CARMIL1: variants seen among roughly 807,000 people sequenced by gnomAD.
CARMIL1 encodes capping protein regulator and myosin 1 linker 1.
A neutral mutation model predicts 177.1 loss-of-function variants in CARMIL1; 90 were observed. The observed-to-expected ratio is 0.51, with a 90% confidence interval of 0.43 to 0.61. CARMIL1 has a LOEUF of 0.61. Among genes scored for constraint, CARMIL1 ranks in the 20% least tolerant of loss-of-function variants. The probability of loss-of-function intolerance (pLI) is 0.00; values close to 1 mark genes in which losing one functional copy is unlikely to be tolerated. For missense variants in CARMIL1, 1,380 were observed against 1,667.0 expected (o/e 0.83, Z 3.00); for synonymous variants, 577 against 606.2 (o/e 0.95, Z 0.71).
At chr6:25,491,653 C>T (rs1803246976) in intron 13 of CARMIL1, 79 bp from the exon 14 acceptor site, 4 of 905,386 alleles carry the variant, frequency 4.4e-6, no homozygotes, top group Non-Finnish European at 5.0e-6. Context: ...CTGGCAACTT[C>T]CTTTTAAAAC....
intron 33 of CARMIL1, among the ~76,000 whole-genome samples, chr6:25,601,807 T>C (rs1815431798): frequency 6.6e-6 from 1 of 152,230 alleles, no homozygotes; most frequent in African/African-American, 2.4e-5. Flanking sequence ...CTTTTCTTTT[T>C]ACCCCTGTTT....
chr6:25,563,595 A>G, intron 29 of CARMIL1: 1 of 985,450 alleles, frequency 1.0e-6, no homozygotes, highest in Non-Finnish European at 1.2e-6. Flanking sequence ...GCGATGAGCT[A>G]TCAGAAGATC....
At chr6:25,365,073 T>G (rs1789635029) in intron 2 of CARMIL1, among the ~76,000 whole-genome samples, 1 of 152,222 alleles carries the variant, frequency 6.6e-6, no homozygotes, top group African/African-American at 2.4e-5. Context: ...AAGTCTCTCT[T>G]GTTTTTTATA....
At chr6:25,351,615 C>T (rs1788106482) in intron 2 of CARMIL1, among the ~76,000 whole-genome samples, 1 of 152,200 alleles carries the variant, frequency 6.6e-6, no homozygotes, top group South Asian at 2.1e-4. Flanking sequence ...TTTTCACTTC[C>T]TTCATTGTAT....
chr6:25,607,355 A>G (rs1816075657), intron 35 of CARMIL1, among the ~76,000 whole-genome samples: 1 of 152,144 alleles, frequency 6.6e-6, no homozygotes, highest in African/African-American at 2.4e-5. Context: ...AGGGATAAAA[A>G]TAGATAGTCA....
At chr6:25,317,874 C>G (rs1174314913) in intron 2 of CARMIL1, among the ~76,000 whole-genome samples, 1 of 152,116 alleles carries the variant, frequency 6.6e-6, no homozygotes, top group African/African-American at 2.4e-5. Flanking sequence ...CTATTTAGGG[C>G]TTCTAATTCA....
At chr6:25,357,461 G>C (rs746018698) in intron 2 of CARMIL1, among the ~76,000 whole-genome samples, 2 of 152,014 alleles carry the variant, frequency 1.3e-5, no homozygotes, top group Non-Finnish European at 2.9e-5. Context: ...GTACATGCTT[G>C]TAATCTCAGC....
At chr6:25,459,622 G>A (rs1799964601) in intron 8 of CARMIL1, among the ~76,000 whole-genome samples, 1 of 151,982 alleles carries the variant, frequency 6.6e-6, no homozygotes, top group Non-Finnish European at 1.5e-5. Context: ...AACTCTATGT[G>A]TAGTAAATTT....
chr6:25,390,288 AT>A (rs1792616494), intron 2 of CARMIL1, among the ~76,000 whole-genome samples: 1 of 95,164 alleles, frequency 1.1e-5, no homozygotes, highest in Non-Finnish European at 2.1e-5. Context: ...ACACATATAT[AT>A]TTACATATAT....
chr6:25,442,174 A>G (rs1031335161), intron 5 of CARMIL1, among the ~76,000 whole-genome samples: 1 of 151,632 alleles, frequency 6.6e-6, no homozygotes, highest in South Asian at 2.1e-4. Context: ...GTGTGAGTAC[A>G]TTAAAATAAT....
chr6:25,475,501 G>A lies in CARMIL1; in HGVS notation c.874+2980G>A, dbSNP rs1801480082. Among the ~76,000 whole-genome samples, 2 of 152,044 alleles carry A rather than the reference G, an allele frequency of 1.3e-5. 1 individual carries two copies. The highest frequency in any genetic ancestry group is 1.3e-4 in the Admixed American group (2 of 15,268). Reference sequence around the variant, plus strand: ...GAAAGGAGACTTAGGTCCACACAGAGACTTGTGAATGAATGTTTGTAGCAG... The same window carrying A: ...GAAAGGAGACTTAGGTCCACACAGAAACTTGTGAATGAATGTTTGTAGCAG... On this transcript the variant is annotated intron_variant, in intron 11 of 36. Coordinates refer to ENST00000329474, the MANE Select transcript of CARMIL1 (RefSeq NM_017640.6).
At chr6:25,489,304 T>C (rs1300740727) in intron 13 of CARMIL1, among the ~76,000 whole-genome samples, 1 of 152,138 alleles carries the variant, frequency 6.6e-6, no homozygotes, top group Non-Finnish European at 1.5e-5. Context: ...TAGGTTACAA[T>C]TGAAAGGGAG....
intron 29 of CARMIL1, among the ~76,000 whole-genome samples, chr6:25,569,954 C>A (rs1028351999): frequency 5.3e-5 from 8 of 152,100 alleles, no homozygotes; most frequent in Non-Finnish European, 1.0e-4. Flanking sequence ...TTGCTTACTA[C>A]TGCAATAAAG....
intron 2 of CARMIL1, among the ~76,000 whole-genome samples, chr6:25,382,139 C>T (rs563360893): frequency 6.6e-6 from 1 of 152,262 alleles, no homozygotes; most frequent in East Asian, 1.9e-4. Flanking sequence ...ACTCTGTCAC[C>T]CAGGCTGGAG....
At chr6:25,525,237 A>T (rs1334131886) in intron 23 of CARMIL1, among the ~76,000 whole-genome samples, 1 of 152,164 alleles carries the variant, frequency 6.6e-6, no homozygotes, top group African/African-American at 2.4e-5. Context: ...AACATAGACT[A>T]AAAAAACACC....
intron 29 of CARMIL1, among the ~76,000 whole-genome samples, chr6:25,580,491 G>A (rs781365531): frequency 6.6e-6 from 1 of 152,226 alleles, no homozygotes; most frequent in Non-Finnish European, 1.5e-5. Flanking sequence ...TGTGAAACGA[G>A]AGTGCAACTA....
At chr6:25,492,057 G>C in intron 15 of CARMIL1, 33 bp downstream of exon 15, 1 of 1,582,552 alleles carries the variant, frequency 6.3e-7, no homozygotes, top group Non-Finnish European at 8.7e-7. Context: ...ATTGTCATCT[G>C]GAAGTGTCTT....
At chr6:25,293,598 T>TA (rs1307468673) in intron 2 of CARMIL1, among the ~76,000 whole-genome samples, 3 of 151,806 alleles carry the variant, frequency 2.0e-5, no homozygotes, top group Non-Finnish European at 4.4e-5. Flanking sequence ...AGGCCAGTCT[T>TA]AAACTCCTGG....
At chr6:25,441,041 C>G (rs184233895) in intron 5 of CARMIL1, among the ~76,000 whole-genome samples, 1 of 152,174 alleles carries the variant, frequency 6.6e-6, no homozygotes, top group Admixed American at 6.5e-5. Flanking sequence ...CTCCAAAGAT[C>G]TGAATTTCTG....
Sources: allele counts gnomAD v4.1 joint callset (sites outside exome capture counted in the v4.1 genomes callset), GRCh38; gene constraint gnomAD v4.1.1; transcripts MANE v1.5; gene names NCBI Gene and HGNC (gene_info 2026-07-23, HGNC 2026-07-21).